The following PALM2AKAP2 variants were observed in gnomAD, a reference collection of about 807,000 sequenced individuals.
PALM2AKAP2 encodes PALM2 and AKAP2 fusion, also known as PALM2-AKAP2 fusion protein.
A neutral mutation model predicts 71.5 loss-of-function variants in PALM2AKAP2; 37 were observed. The ratio of observed to expected loss-of-function variants is 0.52; its 90% CI spans 0.40 to 0.68. The LOEUF is 0.68. PALM2AKAP2 is among the 30% of genes least tolerant of loss of function. The pLI is 0.00. For synonymous variants in PALM2AKAP2, 468 were observed against 478.8 expected (o/e 0.98, Z 0.29); for missense variants, 1,224 against 1,191.8 (o/e 1.03, Z -0.40).
chr9:110,079,674 T>C (rs979730460), intron 1 of PALM2AKAP2, among the ~76,000 whole-genome samples: 1 of 152,090 alleles, frequency 6.6e-6, no homozygotes, highest in East Asian at 1.9e-4. Context: ...AGAAGGCATA[T>C]ATGGAGCATG....
chr9:109,718,008 C>A lies in PALM2AKAP2; in HGVS notation c.6-62480C>A, dbSNP rs574069579. Among the ~76,000 whole-genome samples the A allele has an allele frequency of 6.6e-5, 10 of 152,220 alleles. 1 individual carries two copies. In the South Asian group the frequency reaches 1.7e-3, roughly 25 times the overall value. ...TGCCTTTAGTTTCACTTATGTAGGC[C>A]TTTTTGACTAAAAATTCTGAAGATT... is the stretch of plus-strand genomic sequence containing the variant. On this transcript the variant is annotated intron_variant, in intron 1 of 6. Transcript: ENST00000374531.
At chr9:109,807,343 G>T (rs1460676330) in intron 1 of PALM2AKAP2, among the ~76,000 whole-genome samples, 3 of 152,188 alleles carry the variant, frequency 2.0e-5, no homozygotes, top group African/African-American at 7.2e-5. Context: ...AGTGGTCAGT[G>T]TCTTAGCCTG....
chr9:109,709,324 T>C (rs1304874637), intron 1 of PALM2AKAP2, among the ~76,000 whole-genome samples: 2 of 152,230 alleles, frequency 1.3e-5, no homozygotes, highest in Non-Finnish European at 2.9e-5. Context: ...ATCTTCTTTC[T>C]GTATGCTTCT....
intron 1 of PALM2AKAP2, among the ~76,000 whole-genome samples, chr9:109,746,704 A>G (rs557904575): frequency 3.3e-5 from 5 of 152,134 alleles, no homozygotes; most frequent in Non-Finnish European, 7.4e-5. Flanking sequence ...AATGCTTTAG[A>G]TCTACTGTCT....
At chr9:110,142,319 TC>T (rs1471080128) in intron 2 of PALM2AKAP2, among the ~76,000 whole-genome samples, 1 of 151,992 alleles carries the variant, frequency 6.6e-6, no homozygotes, top group African/African-American at 2.4e-5. Flanking sequence ...CAACTCCTGA[TC>T]CGCCTCAGGT....
At chr9:110,159,229 G>A (rs1423541854) in intron 3 of PALM2AKAP2, among the ~76,000 whole-genome samples, 2 of 152,126 alleles carry the variant, frequency 1.3e-5, no homozygotes, top group Non-Finnish European at 2.9e-5. Context: ...CTGGTCTCTA[G>A]CCTCCATTTA....
At chr9:109,780,374 T>C, upstream of PALM2AKAP2, 3 of 1,598,540 alleles carry the variant, frequency 1.9e-6, no homozygotes, top group Non-Finnish European at 2.6e-6. Flanking sequence ...CAGCCGTCCC[T>C]GGGCGTTCTC....
chr9:109,649,747 G>A (rs926536427), intron 1 of PALM2AKAP2, among the ~76,000 whole-genome samples: 4 of 152,174 alleles, frequency 2.6e-5, no homozygotes, highest in African/African-American at 9.7e-5. Flanking sequence ...TAGGTAGAGG[G>A]GATGGAGACA....
At chr9:109,732,775 T>G (rs1273394603) in intron 1 of PALM2AKAP2, among the ~76,000 whole-genome samples, 1 of 151,934 alleles carries the variant, frequency 6.6e-6, no homozygotes, top group Non-Finnish European at 1.5e-5. Flanking sequence ...ATGGAAAGGG[T>G]AGCAGGGAGA....
At chr9:109,820,142 A>G (rs933288220) in intron 1 of PALM2AKAP2, among the ~76,000 whole-genome samples, 10 of 152,224 alleles carry the variant, frequency 6.6e-5, no homozygotes, top group African/African-American at 2.4e-4. Flanking sequence ...GAATATCAAA[A>G]TTGGATTCAT....
chr9:109,689,601 T>G (rs183409200), intron 1 of PALM2AKAP2, among the ~76,000 whole-genome samples: 1 of 152,362 alleles, frequency 6.6e-6, no homozygotes, highest in African/African-American at 2.4e-5. Flanking sequence ...ATTACTTGCC[T>G]GAGTTCTGAA....
In PALM2AKAP2 at chr9:109,923,962, C is replaced by A. The variant is rs139872548; in HGVS notation, c.372+113C>A. On this transcript the variant is annotated intron_variant, in intron 4 of 9. Transcript: ENST00000302798. ...GGGCATTGATGAGAAATCTGAGCCACGAACTCTATGAAATGAGGGGCAGAT... is the reference window on the plus strand; with the variant it reads ...GGGCATTGATGAGAAATCTGAGCCAAGAACTCTATGAAATGAGGGGCAGAT... 7 of 1,115,794 alleles carry A rather than the reference C, an allele frequency of 6.3e-6. No homozygotes were observed. In the East Asian group the frequency reaches 1.9e-4, roughly 30 times the overall value. 69.1% of individuals were successfully genotyped at this position (1,115,794 alleles called of 1,614,324 possible).
chr9:109,769,485 G>A (rs1210943817), intron 1 of PALM2AKAP2, among the ~76,000 whole-genome samples: 1 of 152,150 alleles, frequency 6.6e-6, no homozygotes, highest in Admixed American at 6.5e-5. Flanking sequence ...CAACCTAACA[G>A]TGTCTTTAAA....
At chr9:109,920,373 CTTTT>C (rs11368227) in intron 3 of PALM2AKAP2, among the ~76,000 whole-genome samples, 1 of 141,764 alleles carries the variant, frequency 7.1e-6, no homozygotes, top group Admixed American at 7.0e-5. Context: ...ATAATGTAAT[CTTTT>C]TTTTTTTTTT....
At chr9:109,818,209 GA>G (rs1827901129) in intron 1 of PALM2AKAP2, among the ~76,000 whole-genome samples, 2 of 152,108 alleles carry the variant, frequency 1.3e-5, no homozygotes, top group Admixed American at 1.3e-4. Flanking sequence ...TAAGCCTTTC[GA>G]AAAATGTACT....
chr9:109,832,267 T>C (rs756698930), intron 1 of PALM2AKAP2, among the ~76,000 whole-genome samples: 8 of 152,268 alleles, frequency 5.3e-5, no homozygotes, highest in Non-Finnish European at 1.2e-4. Flanking sequence ...TCAAGTCCTC[T>C]CTGAGTCGCT....
intron 6 of PALM2AKAP2, among the ~76,000 whole-genome samples, chr9:109,990,303 G>C (rs750247028): frequency 6.6e-6 from 1 of 151,954 alleles, no homozygotes; most frequent in Admixed American, 6.6e-5. Context: ...CCAGTGATCC[G>C]CCTGTCTCAG....
At chr9:110,056,986 A>G (rs918168299) in intron 1 of PALM2AKAP2, among the ~76,000 whole-genome samples, 7 of 152,232 alleles carry the variant, frequency 4.6e-5, no homozygotes, top group African/African-American at 1.7e-4. Flanking sequence ...TCCACTCACC[A>G]TTCATAGAGG....
exon 3 of PALM2AKAP2, chr9:110,156,355 C>T: frequency 6.2e-7 from 1 of 1,607,850 alleles, no homozygotes; most frequent in Non-Finnish European, 8.5e-7. Context: ...CCATCCCCCA[C>T]CACTGAAGGC....
Sources: gnomAD v4.1 joint callset for allele counts (sites outside exome capture counted in the v4.1 genomes callset) on GRCh38, gnomAD v4.1.1 for gene constraint, MANE v1.5 for transcripts, NCBI Gene and HGNC (gene_info 2026-07-23, HGNC 2026-07-21) for gene names.